COL4A6: variants seen among roughly 807,000 people sequenced by gnomAD.
COL4A6 encodes collagen type IV alpha 6 chain.
In COL4A6, 59 loss-of-function variants were observed where a neutral mutation model predicts 126.7. The ratio of observed to expected loss-of-function variants is 0.47; its 90% confidence interval spans 0.38 to 0.58. COL4A6 has a LOEUF of 0.58. Among genes scored for constraint, COL4A6 ranks in the 20% least tolerant of loss-of-function variants. The pLI, the probability that COL4A6 is intolerant of heterozygous loss-of-function variation, is 0.00. For synonymous variants in COL4A6, 547 were observed against 496.6 expected (o/e 1.10, Z -1.35); for missense variants, 1,285 against 1,337.3 (o/e 0.96, Z 0.61).
chrX:108,221,194 T>C (rs1427085060), intron 4 of COL4A6, 46 bp downstream of exon 4: 2 of 1,203,669 alleles, frequency 1.7e-6, no homozygotes, highest in South Asian at 1.8e-5. Context: ...GATCTTTACA[T>C]TTGTGGCCCA....
At chrX:108,288,185 A>G (rs1392250160) in intron 3 of COL4A6, among the ~76,000 whole-genome samples, 4 of 111,722 alleles carry the variant, frequency 3.6e-5, no homozygotes, top group Admixed American at 2.9e-4. Flanking sequence ...TTGATCTTTA[A>G]TTTATTTAGA....
In COL4A6 at chrX:108,175,199, C is replaced by T. The variant is rs371426488; in HGVS notation, c.2847G>A (p.Pro949=). ...TPGEKGDRGN[P]GPVGIPSPRR... ...TTGGACTAGGTATTCCGACTGGCCCCGGATTGCCTCTGTCTCCTGCAGGGA... is the reference window on the plus strand; with the variant it reads ...TTGGACTAGGTATTCCGACTGGCCCTGGATTGCCTCTGTCTCCTGCAGGGA... Residue 949 remains proline, a synonymous_variant, in exon 30 of 45, where the codon CCG becomes CCA. Coordinates refer to ENST00000334504, the MANE Select transcript of COL4A6 (RefSeq NM_033641.4). The T allele has an allele frequency of 1.0e-4, 123 of 1,189,238 alleles. No homozygotes were observed. Among genetic ancestry groups the T allele is most frequent in the South Asian group, 9.4e-4 (49 of 52,337 alleles).
At chrX:108,360,775 A>G (rs971895549) in intron 2 of COL4A6, among the ~76,000 whole-genome samples, 3 of 110,658 alleles carry the variant, frequency 2.7e-5, no homozygotes, top group Admixed American at 1.9e-4. Context: ...TGACCTCGTG[A>G]TCTGCCCACC....
intron 2 of COL4A6, among the ~76,000 whole-genome samples, chrX:108,327,310 G>A (rs1348613153): frequency 1.9e-5 from 2 of 107,629 alleles, no homozygotes; most frequent in Non-Finnish European, 3.8e-5. Context: ...AGCATCCCTC[G>A]CCCCACACCT....
intron 23 of COL4A6, chrX:108,183,799 T>C (rs940893605): frequency 5.6e-6 from 5 of 897,068 alleles, no homozygotes; most frequent in Non-Finnish European, 7.0e-6. Context: ...AAGAAGAAAA[T>C]TAAACTAGGA....
intron 3 of COL4A6, among the ~76,000 whole-genome samples, chrX:108,222,424 G>C (rs778299827): frequency 8.9e-6 from 1 of 112,106 alleles, no homozygotes; most frequent in South Asian, 3.7e-4. Context: ...GAAAAACTTT[G>C]AAAAGAAGCC....
chrX:108,362,928 C>A (rs897417452), intron 2 of COL4A6, among the ~76,000 whole-genome samples: 1 of 111,805 alleles, frequency 8.9e-6, no homozygotes, highest in African/African-American at 3.3e-5. Context: ...ACCTCATGCC[C>A]CAGAGCCATC....
intron 2 of COL4A6, among the ~76,000 whole-genome samples, chrX:108,363,974 C>T (rs1048655849): frequency 4.5e-5 from 5 of 110,709 alleles, no homozygotes; most frequent in Admixed American, 1.9e-4. Flanking sequence ...TGGGTTCAAA[C>T]GATTCTCACA....
intron 2 of COL4A6, among the ~76,000 whole-genome samples, chrX:108,426,161 A>G (rs1484818507): frequency 2.7e-5 from 3 of 111,809 alleles, no homozygotes; most frequent in African/African-American, 9.8e-5. Context: ...GGCATTTTAA[A>G]TTTTCTTTGC....
At chrX:108,365,438 A>C (rs2040178221) in intron 2 of COL4A6, among the ~76,000 whole-genome samples, 1 of 111,811 alleles carries the variant, frequency 8.9e-6, no homozygotes, top group African/African-American at 3.3e-5. Context: ...ACTACATCTT[A>C]CTCATTTTTT....
chrX:108,256,893 A>T (rs1470604021), intron 3 of COL4A6, among the ~76,000 whole-genome samples: 1 of 111,695 alleles, frequency 9.0e-6, no homozygotes. Context: ...TTGGATGTCA[A>T]ATTGAGGTAG....
intron 3 of COL4A6, among the ~76,000 whole-genome samples, chrX:108,305,362 AG>A (rs1332857552): frequency 3.6e-5 from 4 of 111,791 alleles, no homozygotes; most frequent in Non-Finnish European, 7.5e-5. Context: ...TGAAGTGAGG[AG>A]GGTTCCTAAT....
chrX:108,288,519 TGG>T (rs1366319728), intron 3 of COL4A6, among the ~76,000 whole-genome samples: 1 of 111,745 alleles, frequency 8.9e-6, no homozygotes, highest in Non-Finnish European at 1.9e-5. Flanking sequence ...GTGTATAGAC[TGG>T]GGCATAATAC....
intron 2 of COL4A6, among the ~76,000 whole-genome samples, chrX:108,406,357 G>A (rs184938475): frequency 1.8e-5 from 2 of 111,967 alleles, no homozygotes; most frequent in East Asian, 5.6e-4. Context: ...AGACTTCTTA[G>A]GAAAATTGTC....
chrX:108,173,499 C>T (rs60028184), intron 31 of COL4A6, among the ~76,000 whole-genome samples: 4,919 of 104,101 alleles, frequency 0.047, 151 homozygotes, highest in African/African-American at 0.11. Flanking sequence ...TGTGTGTGTG[C>T]ACGCACACAC....
In COL4A6 at chrX:108,155,837, A is replaced by G. The variant is rs1286919590; in HGVS notation, c.*1163T>C. On this transcript the variant is annotated 3_prime_UTR_variant, in exon 45 of 45. Transcript: ENST00000334504. Reference sequence around the variant, plus strand: ...GGTAATTAAAGAAAATGGCTAAAACAAATTCCCCCAAACAGAATACAATGT... The same window carrying G: ...GGTAATTAAAGAAAATGGCTAAAACGAATTCCCCCAAACAGAATACAATGT... 1 of 112,058 alleles carries G rather than the reference A, an allele frequency of 8.9e-6. No individual in the cohort carries two copies. The highest frequency in any genetic ancestry group is 1.9e-5 in the Non-Finnish European group (1 of 53,316). 9.2% of individuals were successfully genotyped at this position (112,058 alleles called of 1,213,427 possible).
intron 3 of COL4A6, among the ~76,000 whole-genome samples, chrX:108,249,420 G>A (rs2036795996): frequency 9.0e-6 from 1 of 111,475 alleles, no homozygotes; most frequent in South Asian, 3.8e-4. Context: ...TAGAAACCAG[G>A]TGTCAAAGAG....
At chrX:108,436,676 A>G (rs1040992109) in intron 2 of COL4A6, among the ~76,000 whole-genome samples, 3 of 112,208 alleles carry the variant, frequency 2.7e-5, no homozygotes, top group Non-Finnish European at 5.6e-5. Flanking sequence ...TCTTAGATCA[A>G]TATCTTTGCT....
chrX:108,270,365 T>C (rs2037415767), intron 3 of COL4A6, among the ~76,000 whole-genome samples: 1 of 112,920 alleles, frequency 8.9e-6, no homozygotes, highest in Admixed American at 9.3e-5. Flanking sequence ...AGTGAGCCAG[T>C]TACAAGCTTA....
Sources: allele counts gnomAD v4.1 joint callset (sites outside exome capture counted in the v4.1 genomes callset), GRCh38; gene constraint gnomAD v4.1.1; transcripts MANE v1.5; gene names NCBI Gene and HGNC (gene_info 2026-07-23, HGNC 2026-07-21).